The following NSD1 variants were observed in gnomAD, a reference collection of about 807,000 sequenced individuals.
NSD1 encodes the protein histone-lysine N-methyltransferase, H3 lysine-36 specific.
NSD1 carries 26 observed loss-of-function variants against 242.7 expected under a neutral mutation model. The ratio of observed to expected loss-of-function variants is 0.11; its 90% CI spans 0.08 to 0.15. The LOEUF (loss-of-function observed/expected upper bound fraction) is 0.15, where lower values mean the gene tolerates loss of function less well. NSD1 is among the 10% of genes least tolerant of loss of function. NSD1 has a pLI of 1.00. For synonymous variants in NSD1, 1,106 were observed against 1,178.1 expected, an observed-to-expected ratio of 0.94 and a Z score of 1.25; for missense variants, 2,495 against 3,272.8, an observed-to-expected ratio of 0.76 and a Z score of 5.80.
intron 2 of NSD1, among the ~76,000 whole-genome samples, chr5:177,154,629 CT>C (rs1757973136): frequency 6.6e-6 from 1 of 152,110 alleles, no homozygotes. Context: ...CTTGGTCTTC[CT>C]TTTTCACATA....
chr5:177,235,283 A>G (rs1372175155), intron 5 of NSD1, among the ~76,000 whole-genome samples: 1 of 152,206 alleles, frequency 6.6e-6, no homozygotes, highest in Non-Finnish European at 1.5e-5. Flanking sequence ...CCTTCAGGCT[A>G]TGTGTATAGA....
chr5:177,219,918 C>T (rs1240159901), intron 5 of NSD1, among the ~76,000 whole-genome samples: 1 of 151,976 alleles, frequency 6.6e-6, no homozygotes, highest in African/African-American at 2.4e-5. Flanking sequence ...GCTGAGATCA[C>T]GCCACTGCAC....
chr5:177,238,054 TCATA>T lies in NSD1; in HGVS notation c.3922-181_3922-178del, dbSNP rs1219696039. On this transcript the variant is annotated intron_variant, in intron 6 of 22. Transcript: ENST00000439151. This position sits in a 1 kb window ranked among gnomAD's most constrained non-coding sequence, Gnocchi z 4.6. ...TTCTAGATACCTCATATACTTGAAATCATACGATATTTGTTCTTTGTGTCTTAAG... is the reference window on the plus strand; with the variant it reads ...TTCTAGATACCTCATATACTTGAAATCGATATTTGTTCTTTGTGTCTTAAG... 1.3e-5 allele frequency among the ~76,000 whole-genome samples: 2 copies of T among 152,122 alleles called. No individual in the cohort carries two copies. Among genetic ancestry groups the T allele is most frequent in the Non-Finnish European group, 2.9e-5 (2 of 68,012 alleles).
chr5:177,147,350 G>A (rs749473549), intron 2 of NSD1, among the ~76,000 whole-genome samples: 8 of 152,048 alleles, frequency 5.3e-5, no homozygotes, highest in Non-Finnish European at 7.4e-5. Context: ...CAAGCAATCC[G>A]CCTGCCTTGG....
rs899114034 is a variant in NSD1 at position 177,204,284 on chromosome 5, A to G, written c.1228A>G (p.Arg410Gly). ...AGGGAAACAGAAAGAAAAAGGATAT[A>G]GGCATAAGGTAGGAAACGAAAAAGG... ...RRGKQKEKGY[R>G]HKVPQKILSK... The change falls in exon 4 of 23, where the codon AGG (arginine) becomes GGG (glycine). Residue 410 changes from arginine to glycine, a missense_variant. Arg to Gly is a moderately radical substitution (Grantham distance 125). Coordinates refer to ENST00000439151, the MANE Select transcript of NSD1 (RefSeq NM_022455.5). 6.2e-7 allele frequency: 1 copy of G among 1,613,614 alleles called. No individual in the cohort carries two copies. The highest frequency in any genetic ancestry group is 8.5e-7 in the Non-Finnish European group (1 of 1,179,762).
intron 3 of NSD1, among the ~76,000 whole-genome samples, chr5:177,200,465 C>T (rs981465894): frequency 6.6e-6 from 1 of 152,144 alleles, no homozygotes; most frequent in Non-Finnish European, 1.5e-5. Flanking sequence ...GTAGGCAGTT[C>T]AGTAGCATTA....
In NSD1 at chr5:177,300,057, G is replaced by GCCCCACC. The variant is rs1354650646; in HGVS notation, c.*4602_*4603insACCCCCC. 81 of 134,918 alleles carry GCCCCACC rather than the reference G, an allele frequency of 6.0e-4. No individual in the cohort carries two copies. Among genetic ancestry groups the GCCCCACC allele is most frequent in the African/African-American group, 2.3e-3 (57 of 24,322 alleles). 8.4% of individuals were successfully genotyped at this position (134,918 alleles called of 1,614,324 possible). On this transcript the variant is annotated 3_prime_UTR_variant, in exon 23 of 23. Coordinates refer to ENST00000439151, the MANE Select transcript of NSD1 (RefSeq NM_022455.5). Reference sequence around the variant, plus strand: ...AGGTCCATCATTGCTTTTTTGCCGCGCCCCCCCCCCCCCGCCCCCATAGAT... The same window carrying GCCCCACC: ...AGGTCCATCATTGCTTTTTTGCCGCGCCCCACCCCCCCCCCCCCCCGCCCCCATAGAT...
At chr5:177,143,514 G>A (rs1294320842) in intron 2 of NSD1, among the ~76,000 whole-genome samples, 2 of 152,168 alleles carry the variant, frequency 1.3e-5, no homozygotes, top group Admixed American at 1.3e-4. Flanking sequence ...AAGAGATGGG[G>A]TTTCACCACG....
intron 2 of NSD1, among the ~76,000 whole-genome samples, chr5:177,158,577 ATTC>A (rs1758400182): frequency 6.6e-6 from 1 of 151,898 alleles, no homozygotes; most frequent in Non-Finnish European, 1.5e-5. Flanking sequence ...ACCTCAGGTG[ATTC>A]ACCCACCTCG....
intron 2 of NSD1, among the ~76,000 whole-genome samples, chr5:177,144,892 C>T (rs1757106412): frequency 6.6e-6 from 1 of 151,850 alleles, no homozygotes; most frequent in Non-Finnish European, 1.5e-5. Flanking sequence ...ACCAGCCTGG[C>T]CAACGTAGTG....
intron 13 of NSD1, among the ~76,000 whole-genome samples, chr5:177,259,432 AGCCTTG>A (rs1005797938): frequency 3.3e-4 from 50 of 152,348 alleles, no homozygotes; most frequent in Middle Eastern, 3.4e-3. Context: ...GGTCACGTCC[AGCCTTG>A]GCAACACAGG....
chr5:177,226,684 T>G (rs1297014141), intron 5 of NSD1, among the ~76,000 whole-genome samples: 1 of 152,204 alleles, frequency 6.6e-6, no homozygotes, highest in Non-Finnish European at 1.5e-5. Context: ...CACTTCATAG[T>G]TGTTATACTG....
At chr5:177,150,491 A>G (rs1233472857) in intron 2 of NSD1, among the ~76,000 whole-genome samples, 1 of 152,198 alleles carries the variant, frequency 6.6e-6, no homozygotes, top group Non-Finnish European at 1.5e-5. Flanking sequence ...AACCAATAAA[A>G]TCATACATAC....
chr5:177,286,551 G>T (rs1759342885), intron 20 of NSD1, among the ~76,000 whole-genome samples: 1 of 152,196 alleles, frequency 6.6e-6, no homozygotes, highest in Non-Finnish European at 1.5e-5. Context: ...TTGCAAAAGT[G>T]CTGTAAAGTA....
intron 15 of NSD1, among the ~76,000 whole-genome samples, chr5:177,268,925 T>A (rs139178816): frequency 3.3e-4 from 50 of 152,282 alleles, no homozygotes; most frequent in African/African-American, 1.2e-3. Flanking sequence ...GGTCAGTTTT[T>A]CTTGGTTTAT....
chr5:177,177,597 C>T (rs968805239), intron 2 of NSD1, among the ~76,000 whole-genome samples: 2 of 151,980 alleles, frequency 1.3e-5, no homozygotes, highest in Non-Finnish European at 2.9e-5. Flanking sequence ...CTGGAGTGAG[C>T]GATGACCATG....
intron 2 of NSD1, among the ~76,000 whole-genome samples, chr5:177,153,497 G>A (rs1757893773): frequency 6.6e-6 from 1 of 151,630 alleles, no homozygotes. Flanking sequence ...TTTTTTCTAG[G>A]AGTTTTGTGT....
intron 2 of NSD1, among the ~76,000 whole-genome samples, chr5:177,157,381 T>A (rs890155246): frequency 6.6e-5 from 10 of 151,332 alleles, no homozygotes; most frequent in South Asian, 4.2e-4. Context: ...AAAAAAAAAA[T>A]ATATAATTCA....
rs1245829763 is a variant in NSD1 at position 177,134,050 on chromosome 5, G to C, written c.-18+98G>C. On this transcript the variant is annotated intron_variant, in intron 1 of 22. Transcript: ENST00000439151. The surrounding 1 kb of genome is among the most constrained non-coding windows in gnomAD (Gnocchi z 4.2). The stretch of plus-strand genomic sequence containing the variant: ...AGATGGTGGTGGCCGTAAGGTGAGG[G>C]GCTCGGGGGAGGGCCAGGCGCGATG... The C allele has an allele frequency of 2.6e-5, 4 of 151,042 alleles. No individual in the cohort carries two copies. Among genetic ancestry groups the C allele is most frequent in the African/African-American group, 4.9e-5 (2 of 41,014 alleles). 9.4% of individuals were successfully genotyped at this position (151,042 alleles called of 1,614,324 possible).
Sources: allele counts gnomAD v4.1 joint callset (sites outside exome capture counted in the v4.1 genomes callset), GRCh38; gene constraint gnomAD v4.1.1; non-coding constraint Gnocchi (gnomAD v3.1); transcripts MANE v1.5; gene names NCBI Gene and HGNC (gene_info 2026-07-23, HGNC 2026-07-21).